CTNNA3: variants seen among roughly 807,000 people sequenced by gnomAD.
The protein encoded by CTNNA3 is catenin alpha 3.
In CTNNA3, 76 loss-of-function variants were observed where a neutral mutation model predicts 95.7. The observed-to-expected ratio is 0.79, with a 90% CI of 0.66 to 0.96. The LOEUF is 0.96. Among genes scored for constraint, CTNNA3 ranks in the 40% least tolerant of loss-of-function variants. The probability of loss-of-function intolerance (pLI) is 0.00; values close to 1 mark genes in which losing one functional copy is unlikely to be tolerated. For missense variants in CTNNA3, 1,191 were observed against 1,089.8 expected (o/e 1.09, Z -1.31); for synonymous variants, 431 against 374.4 (o/e 1.15, Z -1.74).
rs1843005372 is a variant in CTNNA3, at chr10:66,576,452, C to G, written c.1374+45240G>C. On this transcript the variant is annotated intron_variant, in intron 10 of 17. Coordinates refer to ENST00000433211, the MANE Select transcript of CTNNA3 (RefSeq NM_013266.4). ...CCAAGGTAGTGAGCATAGTACATAA[C>G]AGGTAGCCTTCCAATCCATGCCCCC... 7.9e-5 allele frequency among the ~76,000 whole-genome samples: 12 copies of G among 151,994 alleles called. No individual in the cohort carries two copies. In the South Asian group the frequency reaches 2.5e-3, roughly 32 times the overall value.
At chr10:67,550,605 TTTAAA>T (rs779587285) in intron 3 of CTNNA3, among the ~76,000 whole-genome samples, 76 of 149,644 alleles carry the variant, frequency 5.1e-4, no homozygotes, top group Middle Eastern at 3.4e-3. Flanking sequence ...GAATAAATTA[TTTAAA>T]TTAAGAATTC....
intron 9 of CTNNA3, among the ~76,000 whole-genome samples, chr10:66,632,400 C>A (rs1238537513): frequency 1.3e-5 from 2 of 151,554 alleles, no homozygotes; most frequent in East Asian, 3.9e-4. Flanking sequence ...CTAAAAAATA[C>A]AAAAATTAGC....
intron 5 of CTNNA3, among the ~76,000 whole-genome samples, chr10:67,463,211 A>G (rs1847452155): frequency 6.6e-6 from 1 of 152,102 alleles, no homozygotes; most frequent in African/African-American, 2.4e-5. Flanking sequence ...GACCTCTGTA[A>G]GGATTATTTT....
chr10:66,689,591 T>C (rs1252305554), intron 9 of CTNNA3, among the ~76,000 whole-genome samples: 1 of 152,220 alleles, frequency 6.6e-6, no homozygotes, highest in Non-Finnish European at 1.5e-5. Flanking sequence ...GTCAGTTTTC[T>C]AGTAGCCCAA....
chr10:66,601,719 G>GA (rs1423678338), intron 10 of CTNNA3, among the ~76,000 whole-genome samples: 1 of 151,598 alleles, frequency 6.6e-6, no homozygotes, highest in African/African-American at 2.4e-5. Flanking sequence ...CCTTAGAACA[G>GA]AAAAAAATAG....
chr10:67,212,563 T>C (rs1339333075), intron 6 of CTNNA3, among the ~76,000 whole-genome samples: 2 of 151,978 alleles, frequency 1.3e-5, no homozygotes, highest in African/African-American at 2.4e-5. Context: ...TTTTAATTAC[T>C]CAAATTTAAC....
intron 1 of CTNNA3, among the ~76,000 whole-genome samples, chr10:67,731,726 C>T (rs1453692245): frequency 4.1e-5 from 6 of 146,292 alleles, no homozygotes; most frequent in African/African-American, 1.5e-4. Flanking sequence ...GGCGTGAACC[C>T]GGGAGGTGGA....
chr10:66,459,205 TTTC>T (rs2093512850), intron 11 of CTNNA3, among the ~76,000 whole-genome samples: 1 of 152,180 alleles, frequency 6.6e-6, no homozygotes, highest in Non-Finnish European at 1.5e-5. Flanking sequence ...TTAATAACAT[TTTC>T]TTTTCTCTAG....
chr10:66,656,847 TG>T (rs1301858094), intron 9 of CTNNA3, among the ~76,000 whole-genome samples: 1 of 152,054 alleles, frequency 6.6e-6, no homozygotes, highest in African/African-American at 2.4e-5. Context: ...TTTTTGTTTT[TG>T]TTTTTTGCAA....
chr10:67,426,765 C>T (rs1213915782), intron 5 of CTNNA3, among the ~76,000 whole-genome samples: 1 of 151,398 alleles, frequency 6.6e-6, no homozygotes, highest in African/African-American at 2.4e-5. Flanking sequence ...TGTAACAAAC[C>T]TGCATGTTGT....
intron 11 of CTNNA3, among the ~76,000 whole-genome samples, chr10:66,471,800 C>T (rs2441728): frequency 0.063 from 9,526 of 151,568 alleles, 630 homozygotes; most frequent in African/African-American, 0.17. Context: ...ATAAATAAAA[C>T]GCTTTCCCAT....
intron 1 of CTNNA3, among the ~76,000 whole-genome samples, chr10:67,660,693 GA>G (rs1840158262): frequency 6.6e-6 from 1 of 152,080 alleles, no homozygotes; most frequent in Non-Finnish European, 1.5e-5. Flanking sequence ...AACACTTTGG[GA>G]GGCCGAGGCG....
At position 66,384,371 on chromosome 10, in the gene CTNNA3, G is replaced by A. The variant is rs986087526; in HGVS notation, c.1532-5019C>T. Reference sequence around the variant, plus strand: ...AAGAAGGCCATTACATAATGGTAAAGGGATCAATTCAACAAGAAGAGCTAA... The same window carrying A: ...AAGAAGGCCATTACATAATGGTAAAAGGATCAATTCAACAAGAAGAGCTAA... On this transcript the variant is annotated intron_variant, in intron 11 of 17. Coordinates refer to ENST00000433211, the MANE Select transcript of CTNNA3 (RefSeq NM_013266.4). Among the ~76,000 whole-genome samples the A allele has an allele frequency of 1.1e-4, 16 of 152,248 alleles. No homozygotes were observed. In the South Asian group the frequency reaches 3.3e-3, roughly 32 times the overall value.
chr10:67,632,303 T>C (rs1187385102), intron 2 of CTNNA3, among the ~76,000 whole-genome samples: 3 of 134,564 alleles, frequency 2.2e-5, no homozygotes, highest in African/African-American at 7.1e-5. Context: ...ACCTGTCCAT[T>C]AAATATATTA....
intron 7 of CTNNA3, among the ~76,000 whole-genome samples, chr10:66,854,015 C>T (rs986105632): frequency 2.6e-5 from 4 of 152,030 alleles, no homozygotes; most frequent in African/African-American, 7.2e-5. Context: ...CCCACACCAT[C>T]GCATGTAAAT....
intron 7 of CTNNA3, among the ~76,000 whole-genome samples, chr10:66,819,092 T>TA (rs35494489): frequency 0.054 from 6,013 of 110,458 alleles, 206 homozygotes; most frequent in African/African-American, 0.091. Flanking sequence ...ACTCTTGTCT[T>TA]AAAAAAAAAA....
intron 11 of CTNNA3, among the ~76,000 whole-genome samples, chr10:66,391,093 A>T (rs530934381): frequency 3.9e-4 from 60 of 152,278 alleles, no homozygotes; most frequent in African/African-American, 1.4e-3. Context: ...GTAATTTTAC[A>T]AAAGTTTTGT....
chr10:67,293,805 T>C (rs991229544), intron 5 of CTNNA3, among the ~76,000 whole-genome samples: 10 of 151,934 alleles, frequency 6.6e-5, no homozygotes, highest in African/African-American at 2.4e-4. Flanking sequence ...CTGAGAATGA[T>C]GGTTTCCAGC....
intron 13 of CTNNA3, among the ~76,000 whole-genome samples, chr10:66,261,422 TTAAG>T (rs773772107): frequency 1.4e-4 from 21 of 152,258 alleles, no homozygotes; most frequent in Non-Finnish European, 2.2e-4. Context: ...ATGCAATTCT[TTAAG>T]TAATATTTTT....
Sources: allele counts gnomAD v4.1 joint callset (sites outside exome capture counted in the v4.1 genomes callset), GRCh38; gene constraint gnomAD v4.1.1; transcripts MANE v1.5; gene names NCBI Gene and HGNC (gene_info 2026-07-23, HGNC 2026-07-21).